PEG3: variants seen among roughly 807,000 people sequenced by gnomAD.
The protein encoded by PEG3 is paternally expressed 3, also known as paternally-expressed gene 3 protein.
PEG3 carries 23 observed loss-of-function variants against 35.5 expected under a neutral mutation model. That is an observed-to-expected ratio of 0.65 (90% CI 0.47 to 0.92). PEG3 has a LOEUF of 0.92. Among genes scored for constraint, PEG3 ranks in the 40% least tolerant of loss-of-function variants. The probability of loss-of-function intolerance (pLI) is 0.00; values close to 1 mark genes in which losing one functional copy is unlikely to be tolerated. For missense variants in PEG3, 1,960 were observed against 1,985.3 expected (o/e 0.99, Z 0.24); for synonymous variants, 707 against 697.0 (o/e 1.01, Z -0.23).
intron 2 of PEG3, among the ~76,000 whole-genome samples, chr19:56,830,854 G>A (rs1241106070): frequency 6.6e-6 from 1 of 152,246 alleles, no homozygotes; most frequent in Middle Eastern, 3.4e-3. Context: ...GGGGCCCTGG[G>A]AGGTGGAGGG....
In PEG3 at chr19:56,818,601, G is replaced by A. The variant is rs369295065; in HGVS notation, c.771C>T (p.Leu257=). The A allele has an allele frequency of 1.7e-5, 27 of 1,613,892 alleles. No individual in the cohort carries two copies. The highest frequency in any genetic ancestry group is 1.7e-4 in the Middle Eastern group (1 of 6,034). ...NMENYRKLLS[L]VQLAEDDGHS... is the part of the protein sequence containing the mutation. ...TGACTGAGAGAAGCAGCTGCTTACC[G>A]AGGGAGAGCAGCTTCCTGTAGTTTT... The change falls in exon 8 of 10, where the codon CTC becomes CTT. Residue 257 remains leucine, a splice_region_variant and synonymous_variant. Coordinates refer to ENST00000326441, the MANE Select transcript of PEG3 (RefSeq NM_006210.3).
At chr19:56,829,325 C>T (rs1411467749) in intron 2 of PEG3, among the ~76,000 whole-genome samples, 2 of 133,466 alleles carry the variant, frequency 1.5e-5, no homozygotes, top group Non-Finnish European at 3.1e-5. Context: ...GCCTGGGCAA[C>T]AGAGCGAGAC....
rs2059536171 is a variant in PEG3 at position 56,811,469 on chromosome 19, T to C, written c.*2206A>G. 28 of 970,018 alleles carry C rather than the reference T, an allele frequency of 2.9e-5. No individual in the cohort carries two copies. The highest frequency in any genetic ancestry group is 3.4e-5 in the Non-Finnish European group (28 of 816,058). The allele number at this position is 970,018 out of a possible 1,614,324, so 60.1% of individuals were successfully genotyped here. A position where few individuals can be genotyped will look rare whatever the true frequency, so the allele number is the denominator to read the frequency against. On this transcript the variant is annotated 3_prime_UTR_variant, in exon 10 of 10. Transcript: ENST00000326441. ...ACTCGTGATTATCATTTTTAAACAG[T>C]TGCATTAAGTGTCCACAGATAGGTT...
Position 56,813,206 on chromosome 19 carries a change from A to G in PEG3, c.*469T>C. 1 of 983,392 alleles carries G rather than the reference A, an allele frequency of 1.0e-6. No homozygotes were observed. Among genetic ancestry groups the G allele is most frequent in the Non-Finnish European group, 1.2e-6 (1 of 828,006 alleles). 60.9% of individuals were successfully genotyped at this position (983,392 alleles called of 1,614,324 possible). A position where few individuals can be genotyped will look rare whatever the true frequency, so the allele number is the denominator to read the frequency against. ...TTGTTGCTCTCTTCCTCCTCCAAAA[A>G]AAAAAAAAATTCAAAGAATACCAGG... On this transcript the variant is annotated 3_prime_UTR_variant, in exon 10 of 10. Transcript: ENST00000326441.
At chr19:56,823,571 A>G (rs764036543) in intron 5 of PEG3, 22 bp downstream of exon 5, 10 of 1,613,878 alleles carry the variant, frequency 6.2e-6, no homozygotes, top group Non-Finnish European at 8.5e-6. Flanking sequence ...ATGGGTGACC[A>G]GTGGGGATGG....
Position 56,811,475 on chromosome 19 carries a change from TAA to T in PEG3, c.*2198_*2199del. On this transcript the variant is annotated 3_prime_UTR_variant, in exon 10 of 10. Coordinates refer to ENST00000326441, the MANE Select transcript of PEG3 (RefSeq NM_006210.3). The stretch of plus-strand genomic sequence containing the variant: ...GATTATCATTTTTAAACAGTTGCAT[TAA>T]GTGTCCACAGATAGGTTTAAACAAT... 1.0e-6 allele frequency: 1 copy of T among 974,960 alleles called. No individual in the cohort carries two copies. Among genetic ancestry groups the T allele is most frequent in the Non-Finnish European group, 1.2e-6 (1 of 820,422 alleles). The allele number at this position is 974,960 out of a possible 1,614,324, so 60.4% of individuals were successfully genotyped here. A position where few individuals can be genotyped will look rare whatever the true frequency, so the allele number is the denominator to read the frequency against.
intron 7 of PEG3, among the ~76,000 whole-genome samples, chr19:56,820,494 C>T (rs2060376953): frequency 6.6e-6 from 1 of 152,202 alleles, no homozygotes; most frequent in African/African-American, 2.4e-5. Flanking sequence ...CCCACACATG[C>T]CTCCAGCCTT....
In PEG3 at chr19:56,810,445, T is replaced by C. The variant is rs576297440; in HGVS notation, c.*3230A>G. 2.9e-4 allele frequency: 287 copies of C among 984,126 alleles called. 2 individuals are homozygous for C. Among genetic ancestry groups the C allele is most frequent in the Non-Finnish European group, 3.4e-4 (280 of 828,814 alleles). The allele number at this position is 984,126 out of a possible 1,614,324, so 61.0% of individuals were successfully genotyped here. A position where few individuals can be genotyped will look rare whatever the true frequency, so the allele number is the denominator to read the frequency against. Reference sequence around the variant, plus strand: ...CATCTTTGACATTTATGCATACTTATCACTAACACCCTAATAATCACAGAC... The same window carrying C: ...CATCTTTGACATTTATGCATACTTACCACTAACACCCTAATAATCACAGAC... On this transcript the variant is annotated 3_prime_UTR_variant, in exon 10 of 10. Transcript: ENST00000326441.
rs548152122 is a variant in PEG3 at position 56,812,683 on chromosome 19, T to C, written c.*992A>G. ...TACAGCATGAGAGCCTCTCCTACGG[T>C]TCTCAACCTTCATTAGGCACTACTG... On this transcript the variant is annotated 3_prime_UTR_variant, in exon 10 of 10. Transcript: ENST00000326441. The C allele has an allele frequency of 1.3e-5, 13 of 984,998 alleles. No homozygotes were observed. Among genetic ancestry groups the C allele is most frequent in the Admixed American group, 6.2e-5 (1 of 16,252 alleles). The allele number at this position is 984,998 out of a possible 1,614,324, so 61.0% of individuals were successfully genotyped here.
intron 2 of PEG3, among the ~76,000 whole-genome samples, chr19:56,834,594 G>A (rs370033025): frequency 2.5e-4 from 38 of 152,170 alleles, no homozygotes; most frequent in African/African-American, 9.2e-4. Context: ...ATGTCAGTAC[G>A]GTTTTAAGTC....
rs563301824 is a variant in PEG3, at chr19:56,824,739, G to C, written c.-84C>G. The C allele has an allele frequency of 1.5e-6, 2 of 1,324,190 alleles. No individual in the cohort carries two copies. Among genetic ancestry groups the C allele is most frequent in the Non-Finnish European group, 2.1e-6 (2 of 954,770 alleles). The allele number at this position is 1,324,190 out of a possible 1,614,324, so 82.0% of individuals were successfully genotyped here. A position where few individuals can be genotyped will look rare whatever the true frequency, so the allele number is the denominator to read the frequency against. On this transcript the variant is annotated splice_region_variant and 5_prime_UTR_variant, in exon 4 of 10. Transcript: ENST00000326441. ...CAGCCTGTGACCGTCAGTACTCAGG[G>C]ACCTGTGGATCGTAAGGAGATATAC... is the stretch of plus-strand genomic sequence containing the variant.
In PEG3 at chr19:56,816,582, C is replaced by T. The variant is rs150420781; in HGVS notation, c.1860G>A (p.Met620Ile). The change falls in exon 10 of 10, where the codon ATG (methionine) becomes ATA (isoleucine). Residue 620 changes from methionine to isoleucine, a missense_variant. By Grantham distance (10) the Met-to-Ile change is conservative. Around this residue, in one of 5 missense-constraint regions of PEG3, gnomAD observed 798 missense variants for 782.4 expected, o/e 1.02. Coordinates refer to ENST00000326441, the MANE Select transcript of PEG3 (RefSeq NM_006210.3). Reference protein sequence around the residue: ...PSPALNEFQKMYGKEKMYECK... With the variant: ...PSPALNEFQKIYGKEKMYECK... ...ATTCGTACATTTTCTCTTTACCATA[C>T]ATTTTCTGAAACTCATTAAGGGCTG... 5.6e-6 allele frequency: 9 copies of T among 1,613,996 alleles called. No homozygotes were observed. Among genetic ancestry groups the T allele is most frequent in the Middle Eastern group, 1.6e-4 (1 of 6,062 alleles).
Position 56,822,753 on chromosome 19 carries a change from T to TGC in PEG3, c.563_564dup (p.Arg189AlafsTer82). On this transcript the variant is annotated frameshift_variant and splice_region_variant, in exon 6 of 10. Transcript: ENST00000326441. LOFTEE classifies it high-confidence loss of function. ...GGGAAAGAAAGTGGTTAAGACTCAC[T>TGC]GCTTCTTGGGTTCCTGGTGTGGGAC... The TGC allele has an allele frequency of 6.2e-7, 1 of 1,614,078 alleles. No homozygotes were observed. Among genetic ancestry groups the TGC allele is most frequent in the Non-Finnish European group, 8.5e-7 (1 of 1,180,002 alleles).
rs144150136 is a variant in PEG3 at position 56,817,749 on chromosome 19, G to C, written c.859C>G (p.Arg287Gly). 3.1e-3 allele frequency: 4,978 copies of C among 1,613,478 alleles called. 11 individuals are homozygous for C. Among genetic ancestry groups the C allele is most frequent in the Non-Finnish European group, 3.7e-3 (4,387 of 1,179,462 alleles). ...SKRSAYPSTS[R>G]GLKTMPEAKK... is the part of the protein sequence containing the mutation. ...GTGGGATGTGCCTCCTGCTTACCTCGACTGGTGCTTGGGTAGGCACTTCTC... is the reference window on the plus strand; with the variant it reads ...GTGGGATGTGCCTCCTGCTTACCTCCACTGGTGCTTGGGTAGGCACTTCTC... The change falls in exon 9 of 10, where the codon CGA (arginine) becomes GGA (glycine). Residue 287 changes from arginine (R) to glycine (G), a missense_variant. By Grantham distance (125) the Arg-to-Gly change is moderately radical (BLOSUM62 -2). This residue lies in a region of PEG3 where 613 missense variants were observed against 577.1 expected (regional missense o/e 1.06). Transcript: ENST00000326441.
At chr19:56,839,464 C>T (rs1282859742) in intron 1 of PEG3, among the ~76,000 whole-genome samples, 1 of 151,560 alleles carries the variant, frequency 6.6e-6, no homozygotes, top group Non-Finnish European at 1.5e-5. Flanking sequence ...TACCCAGTCA[C>T]TTCAGCCTTG....
chr19:56,825,681 G>T (rs1303410934), intron 3 of PEG3, among the ~76,000 whole-genome samples: 1 of 152,042 alleles, frequency 6.6e-6, no homozygotes, highest in African/African-American at 2.4e-5. Flanking sequence ...AACTAAGTAA[G>T]GCAATATGGG....
intron 2 of PEG3, among the ~76,000 whole-genome samples, chr19:56,827,681 T>C (rs568085997): frequency 3.9e-5 from 6 of 152,336 alleles, no homozygotes; most frequent in African/African-American, 9.6e-5. Context: ...TGCAAGAATA[T>C]ATTCATTGAA....
In PEG3 at chr19:56,810,759, G is replaced by A. The variant is rs545904180; in HGVS notation, c.*2916C>T. On this transcript the variant is annotated 3_prime_UTR_variant, in exon 10 of 10. Transcript: ENST00000326441. ...CACTGTTATCACAAGCGTGTGCACTGAAACAAGATAGAGGAAACAGATCAA... is the reference window on the plus strand; with the variant it reads ...CACTGTTATCACAAGCGTGTGCACTAAAACAAGATAGAGGAAACAGATCAA... 9.2e-6 allele frequency: 9 copies of A among 983,528 alleles called. No homozygotes were observed. The African/African-American group carries it at 1.6e-4, about 17-fold the overall frequency. 60.9% of individuals were successfully genotyped at this position (983,528 alleles called of 1,614,324 possible). A position where few individuals can be genotyped will look rare whatever the true frequency, so the allele number is the denominator to read the frequency against.
rs753470527 is a variant in PEG3 at position 56,817,582 on chromosome 19, G to A, written c.863-3C>T. 3 of 1,579,518 alleles carry A rather than the reference G, an allele frequency of 1.9e-6. No individual in the cohort carries two copies. Among genetic ancestry groups the A allele is most frequent in the Non-Finnish European group, 1.7e-6 (2 of 1,162,380 alleles). ...GGCTTCAGGCATAGTTTTTAGACCT[G>A]GAAAGAAACCCCAAATGTAAATACT... is the stretch of plus-strand genomic sequence containing the variant. On this transcript the variant is annotated splice_polypyrimidine_tract_variant and splice_region_variant and intron_variant, in intron 9 of 9. Transcript: ENST00000326441.
Sources: allele counts gnomAD v4.1 joint callset (sites outside exome capture counted in the v4.1 genomes callset), GRCh38; gene constraint gnomAD v4.1.1; regional missense constraint gnomAD v4.1.1; transcripts MANE v1.5; gene names NCBI Gene and HGNC (gene_info 2026-07-23, HGNC 2026-07-21).